Variants in FKBP15 observed in about 807,000 individuals in gnomAD.
FKBP15 encodes FKBP prolyl isomerase family member 15.
A neutral mutation model predicts 158.1 loss-of-function variants in FKBP15; 106 were observed. The observed-to-expected ratio is 0.67, with a 90% CI of 0.57 to 0.79. The LOEUF is 0.79. Among genes scored for constraint, FKBP15 ranks in the 30% least tolerant of loss-of-function variants. The probability of loss-of-function intolerance (pLI) is 0.00; values close to 1 mark genes in which losing one functional copy is unlikely to be tolerated. For synonymous variants in FKBP15, 547 were observed against 548.6 expected (o/e 1.00, Z 0.04); for missense variants, 1,287 against 1,479.1 (o/e 0.87, Z 2.13).
At chr9:113,217,856 TAAAC>T (rs1450475233) in intron 1 of FKBP15, among the ~76,000 whole-genome samples, 2 of 151,862 alleles carry the variant, frequency 1.3e-5, no homozygotes, top group African/African-American at 4.8e-5. Context: ...AATAAATAAA[TAAAC>T]AAAAATAAAT....
chr9:113,210,414 C>A (rs887814601), intron 2 of FKBP15, among the ~76,000 whole-genome samples: 11 of 145,072 alleles, frequency 7.6e-5, no homozygotes, highest in Non-Finnish European at 3.0e-5. Flanking sequence ...CTCACTGCAA[C>A]CTCCGCCTCC....
intron 26 of FKBP15, 113 bp downstream of exon 26, chr9:113,169,111 T>A (rs534408991): frequency 7.3e-7 from 1 of 1,364,796 alleles, no homozygotes; most frequent in Non-Finnish European, 9.7e-7. Flanking sequence ...AACTAATGAA[T>A]GAAGACATGA....
intron 19 of FKBP15, 112 bp from the exon 20 acceptor site, chr9:113,178,913 G>T: frequency 2.7e-6 from 3 of 1,104,218 alleles, no homozygotes; most frequent in East Asian, 2.6e-5. Context: ...GGGAGTTATG[G>T]CTGCCTTCAA....
rs774151809 is a variant in FKBP15 at position 113,178,645 on chromosome 9, G to A, written c.2071C>T (p.Gln691Ter). 3.7e-6 allele frequency: 6 copies of A among 1,609,286 alleles called. No individual in the cohort carries two copies. Among genetic ancestry groups the A allele is most frequent in the Non-Finnish European group, 4.2e-6 (5 of 1,178,218 alleles). ...DLLRGQLTKVQAKLSELQETS... is the reference protein window; with the variant it reads ...DLLRGQLTKV ...TAGCACATACCTGAGAGCTTTGCCT[G>A]CACTTTGGTGAGCTGGCCCCTGAGA... is the stretch of plus-strand genomic sequence containing the variant. Residue 691 changes from glutamine to a stop codon, truncating the protein, a stop_gained, in exon 20 of 28, where the codon CAG becomes TAG. Coordinates refer to ENST00000238256, the MANE Select transcript of FKBP15 (RefSeq NM_015258.2). LOFTEE classifies it high-confidence loss of function.
At position 113,206,517 on chromosome 9, in the gene FKBP15, C is replaced by T. The variant is rs1133618; in HGVS notation, c.316G>A (p.Ala106Thr). 297,511 of 1,612,388 alleles carry T rather than the reference C, an allele frequency of 0.18. 29,327 individuals carry two copies. Among genetic ancestry groups the T allele is most frequent in the African/African-American group, 0.3 (22,203 of 74,880 alleles). Residue 106 changes from alanine (A) to threonine (T), a missense_variant, in exon 4 of 28, where the codon GCC becomes ACC. Ala to Thr is a moderately conservative substitution (Grantham distance 58). Coordinates refer to ENST00000238256, the MANE Select transcript of FKBP15 (RefSeq NM_015258.2). ...FGAAVLGNHT[A>T]REYRILLYIS... is the part of the protein sequence containing the mutation. ...TGTGGGAGCACTCTCACCTCTCTGGCTGTGTGGTTCCCCAGAACTGCAGCA... is the reference window on the plus strand; with the variant it reads ...TGTGGGAGCACTCTCACCTCTCTGGTTGTGTGGTTCCCCAGAACTGCAGCA...
rs758413910 is a variant in FKBP15, at chr9:113,211,458, T to C, written c.169+19A>G. The C allele has an allele frequency of 1.3e-5, 20 of 1,587,394 alleles. No individual in the cohort carries two copies. The Admixed American group carries it at 1.6e-4, about 12-fold the overall frequency. On this transcript the variant is annotated intron_variant, in intron 2 of 27. Transcript: ENST00000238256. The stretch of plus-strand genomic sequence containing the variant: ...ACAGGCATTAGCCACCTCGCTCGGC[T>C]AATACACTCTTAACTTACCTGTTGC...
rs1367269801 is a variant in FKBP15, at chr9:113,194,586, G to C, written c.865-417C>G. Reference sequence around the variant, plus strand: ...TAGGCAAATCAGAAAATGTAGCTCAGCCAAAAAGACAAAGGTAGCAATCAC... The same window carrying C: ...TAGGCAAATCAGAAAATGTAGCTCACCCAAAAAGACAAAGGTAGCAATCAC... On this transcript the variant is annotated intron_variant, in intron 9 of 27. Coordinates refer to ENST00000238256, the MANE Select transcript of FKBP15 (RefSeq NM_015258.2). 3.3e-5 allele frequency among the ~76,000 whole-genome samples: 5 copies of C among 151,924 alleles called. No individual in the cohort carries two copies. The East Asian group carries it at 9.6e-4, about 29-fold the overall frequency.
chr9:113,186,623 G>C (rs770744183), intron 14 of FKBP15: 1 of 374,108 alleles, frequency 2.7e-6, no homozygotes, highest in African/African-American at 2.0e-5. Flanking sequence ...CCAGTCATCT[G>C]GTGAGATAAT....
intron 23 of FKBP15, among the ~76,000 whole-genome samples, 152 bp from the exon 24 acceptor site, chr9:113,171,858 T>A (rs1463148879): frequency 6.6e-6 from 1 of 151,726 alleles, no homozygotes; most frequent in Non-Finnish European, 1.5e-5. Flanking sequence ...TTTTTTTTAT[T>A]ATTATTATAC....
rs1207893594 is a variant in FKBP15 at position 113,161,803 on chromosome 9, C to T, written c.*4275G>A. On this transcript the variant is annotated 3_prime_UTR_variant, in exon 28 of 28. Coordinates refer to ENST00000238256, the MANE Select transcript of FKBP15 (RefSeq NM_015258.2). ...CCACTTCACAGAGAGGACAGCGAGG[C>T]CCAGGGAAGGACCAGGACTTGCCAA... 2 of 1,298,818 alleles carry T rather than the reference C, an allele frequency of 1.5e-6. No individual in the cohort carries two copies. The allele number at this position is 1,298,818 out of a possible 1,614,324, so 80.5% of individuals were successfully genotyped here. A position where few individuals can be genotyped will look rare whatever the true frequency, so the allele number is the denominator to read the frequency against.
At chr9:113,202,871 G>C in intron 5 of FKBP15, 90 bp downstream of exon 5, 2 of 1,080,456 alleles carry the variant, frequency 1.9e-6, no homozygotes, top group Non-Finnish European at 2.8e-6. Flanking sequence ...CTGAACCAGT[G>C]GATCTAATTT....
At chr9:113,220,689 C>T (rs550253945) in intron 1 of FKBP15, among the ~76,000 whole-genome samples, 1 of 152,274 alleles carries the variant, frequency 6.6e-6, no homozygotes, top group South Asian at 2.1e-4. Context: ...GGCAAACACA[C>T]CTAGCTGCAG....
chr9:113,162,844 G>C lies in FKBP15; in HGVS notation c.*3234C>G, dbSNP rs1286726416. Reference sequence around the variant, plus strand: ...CTGGCCGTAATGTCCTACAACACCTGGATTTTCCTTGGTGTGGTCTTGGGC... The same window carrying C: ...CTGGCCGTAATGTCCTACAACACCTCGATTTTCCTTGGTGTGGTCTTGGGC... On this transcript the variant is annotated 3_prime_UTR_variant, in exon 28 of 28. Transcript: ENST00000238256. The C allele has an allele frequency of 1.9e-6, 3 of 1,613,560 alleles. No individual in the cohort carries two copies. The Admixed American group carries it at 5.0e-5, about 27-fold the overall frequency.
In FKBP15 at chr9:113,169,390, G is replaced by A. The variant is rs1214426041; in HGVS notation, c.3319C>T (p.Pro1107Ser). The change falls in exon 26 of 28, where the codon CCA becomes TCA. Residue 1107 changes from proline to serine, a missense_variant. Transcript: ENST00000238256. The stretch of plus-strand genomic sequence containing the variant: ...GGGCTTTCAGGCCCTAAGGCCAGTG[G>A]GTCCCCCTCCTCGGGGTCTGAAGTC... ...SLTSDPEEGD[P>S]LALGPESPGE... 3.1e-6 allele frequency: 5 copies of A among 1,613,908 alleles called. No individual in the cohort carries two copies. Among genetic ancestry groups the A allele is most frequent in the East Asian group, 2.2e-5 (1 of 44,896 alleles).
intron 19 of FKBP15, among the ~76,000 whole-genome samples, chr9:113,179,436 G>A (rs1410048701): frequency 6.6e-6 from 1 of 152,138 alleles, no homozygotes; most frequent in East Asian, 1.9e-4. Context: ...GGCCGAAGCG[G>A]GCAGATCACG....
intron 1 of FKBP15, among the ~76,000 whole-genome samples, chr9:113,215,622 GTGTATA>G (rs763875745): frequency 2.1e-3 from 240 of 114,058 alleles, no homozygotes; most frequent in African/African-American, 4.6e-3. Context: ...GTGTGTGTGT[GTGTATA>G]TATATATATA....
intron 26 of FKBP15, among the ~76,000 whole-genome samples, 156 bp downstream of exon 26, chr9:113,169,068 T>G (rs1051158285): frequency 6.7e-6 from 1 of 148,972 alleles, no homozygotes; most frequent in Non-Finnish European, 1.5e-5. Context: ...CACAGAGCCT[T>G]GTACATGGTA....
In FKBP15 at chr9:113,163,708, A is replaced by G. The variant is rs1322783213; in HGVS notation, c.*2370T>C. 1 of 152,396 alleles carries G rather than the reference A, an allele frequency of 6.6e-6. No homozygotes were observed. The highest frequency in any genetic ancestry group is 1.5e-5 in the Non-Finnish European group (1 of 68,048). The allele number at this position is 152,396 out of a possible 1,614,324, so 9.4% of individuals were successfully genotyped here. On this transcript the variant is annotated 3_prime_UTR_variant, in exon 28 of 28. Transcript: ENST00000238256. ...CCTTCCACCAGAAGGCACTGCCTGC[A>G]GGAAGAAGATGATCTGATGGCCGTG...
intron 26 of FKBP15, among the ~76,000 whole-genome samples, chr9:113,168,971 G>A (rs1310536881): frequency 2.7e-5 from 2 of 74,564 alleles, no homozygotes; most frequent in African/African-American, 9.1e-5. Context: ...ACTATCACAG[G>A]GCCCACCACA....
Sources: allele counts gnomAD v4.1 joint callset (sites outside exome capture counted in the v4.1 genomes callset), GRCh38; gene constraint gnomAD v4.1.1; transcripts MANE v1.5; gene names NCBI Gene and HGNC (gene_info 2026-07-23, HGNC 2026-07-21).